ZGRF1: variants seen among roughly 807,000 people sequenced by gnomAD.
ZGRF1 encodes the protein 5'-3' DNA helicase ZGRF1.
In ZGRF1, 196 loss-of-function variants were observed where a neutral mutation model predicts 203.5. The observed-to-expected ratio is 0.96, with a 90% CI of 0.86 to 1.08. The LOEUF is 1.08. Among genes scored for constraint, ZGRF1 ranks in the 50% least tolerant of loss-of-function variants. The probability of loss-of-function intolerance (pLI) is 0.00; values close to 1 mark genes in which losing one functional copy is unlikely to be tolerated. For synonymous variants in ZGRF1, 809 were observed against 841.3 expected (o/e 0.96, Z 0.66); for missense variants, 2,326 against 2,416.3 (o/e 0.96, Z 0.78).
chr4:112,608,153 ATCC>A (rs1751043512), intron 8 of ZGRF1, among the ~76,000 whole-genome samples: 1 of 152,098 alleles, frequency 6.6e-6, no homozygotes, highest in Non-Finnish European at 1.5e-5. Flanking sequence ...AACTCAAACG[ATCC>A]TCCTGCCTCA....
At chr4:112,591,523 A>C (rs1454079296) in intron 10 of ZGRF1, among the ~76,000 whole-genome samples, 1 of 152,174 alleles carries the variant, frequency 6.6e-6, no homozygotes, top group Non-Finnish European at 1.5e-5. Context: ...GGCAGCTCTT[A>C]CAAAGTCCTA....
rs773566516 is a variant in ZGRF1 at position 112,540,913 on chromosome 4, A to G, written c.5818T>C (p.Phe1940Leu). The change falls in exon 26 of 28, where the codon TTT becomes CTT. Residue 1940 changes from phenylalanine (F) to leucine (L), a missense_variant. Coordinates refer to ENST00000505019, the MANE Select transcript of ZGRF1 (RefSeq NM_018392.5). ...NSFHNVAEAT[F>L]TLKLIQSLIA... ...AGTGATTGAATCAGCTTGAGTGTAA[A>G]CGTAGCTTCTGCCACATTATGAAAG... The G allele has an allele frequency of 1.4e-5, 22 of 1,580,272 alleles. No homozygotes were observed. In the South Asian group the frequency reaches 1.6e-4, roughly 12 times the overall value.
chr4:112,620,925 G>GA (rs2047041839), intron 4 of ZGRF1, among the ~76,000 whole-genome samples: 1 of 151,584 alleles, frequency 6.6e-6, no homozygotes, highest in Admixed American at 6.6e-5. Context: ...TCAGCTACTT[G>GA]AAAGGCTGAG....
chr4:112,573,202 C>A (rs1177003572), intron 16 of ZGRF1, among the ~76,000 whole-genome samples: 2 of 97,244 alleles, frequency 2.1e-5, no homozygotes, highest in African/African-American at 7.1e-5. Flanking sequence ...ACACACACAC[C>A]CATGGAATAC....
intron 3 of ZGRF1, among the ~76,000 whole-genome samples, chr4:112,626,235 G>T (rs538241365): frequency 6.6e-6 from 1 of 152,178 alleles, no homozygotes; most frequent in Non-Finnish European, 1.5e-5. Flanking sequence ...GAATCGAAAA[G>T]TGTGTGAAGT....
At chr4:112,586,386 C>A in intron 13 of ZGRF1, 59 bp downstream of exon 13, 1 of 1,330,762 alleles carries the variant, frequency 7.5e-7, no homozygotes, top group African/African-American at 1.5e-5. Flanking sequence ...TAAATTCTCA[C>A]AATTTTACTA....
In ZGRF1 at chr4:112,577,175, A is replaced by G. The variant is rs1265738259; in HGVS notation, c.4438+4488T>C. Among the ~76,000 whole-genome samples, 2 of 121,878 alleles carry G rather than the reference A, an allele frequency of 1.6e-5. 1 individual carries two copies. The highest frequency in any genetic ancestry group is 3.6e-5 in the Non-Finnish European group (2 of 54,848). 80.0% of individuals were successfully genotyped at this position (121,878 alleles called of 152,430 possible). A position where few individuals can be genotyped will look rare whatever the true frequency, so the allele number is the denominator to read the frequency against. On this transcript the variant is annotated intron_variant, in intron 16 of 27. Coordinates refer to ENST00000505019, the MANE Select transcript of ZGRF1 (RefSeq NM_018392.5). ...AACCCAGAATTTCATATCCAGTCAAACTAAGCTTCATAAGTGAAGGAGAAA... is the reference window on the plus strand; with the variant it reads ...AACCCAGAATTTCATATCCAGTCAAGCTAAGCTTCATAAGTGAAGGAGAAA...
intron 1 of ZGRF1, among the ~76,000 whole-genome samples, chr4:112,634,739 A>G (rs2047525959): frequency 6.6e-6 from 1 of 152,176 alleles, no homozygotes; most frequent in Non-Finnish European, 1.5e-5. Flanking sequence ...TGATCTGGAG[A>G]AAGAATAGGT....
rs755798043 is a variant in ZGRF1 at position 112,620,210 on chromosome 4, A to T, written c.163-20T>A. Reference sequence around the variant, plus strand: ...TTTCACCTGAAAGAATAAATGTCAAAATCACATACATCTAATTATTTGATT... The same window carrying T: ...TTTCACCTGAAAGAATAAATGTCAATATCACATACATCTAATTATTTGATT... On this transcript the variant is annotated intron_variant, in intron 4 of 27. Coordinates refer to ENST00000505019, the MANE Select transcript of ZGRF1 (RefSeq NM_018392.5). 20 of 1,576,858 alleles carry T rather than the reference A, an allele frequency of 1.3e-5. No individual in the cohort carries two copies. In the African/African-American group the frequency reaches 2.6e-4, roughly 20 times the overall value.
At chr4:112,573,474 G>A (rs191603763) in intron 16 of ZGRF1, among the ~76,000 whole-genome samples, 1 of 152,176 alleles carries the variant, frequency 6.6e-6, no homozygotes, top group East Asian at 1.9e-4. Flanking sequence ...CAGGTGATAG[G>A]TGTAGCAAAA....
At chr4:112,559,752 A>C in intron 19 of ZGRF1, among the ~76,000 whole-genome samples, 1 of 152,294 alleles carries the variant, frequency 6.6e-6, no homozygotes, top group Non-Finnish European at 1.5e-5. Context: ...AGATTAAGAG[A>C]TATATAACCT....
At chr4:112,591,022 T>C (rs1045492311) in intron 10 of ZGRF1, among the ~76,000 whole-genome samples, 2 of 152,100 alleles carry the variant, frequency 1.3e-5, no homozygotes, top group African/African-American at 4.8e-5. Context: ...TTCTGGGTGC[T>C]GTGCTAGGAA....
chr4:112,633,110 C>A (rs781186051), intron 2 of ZGRF1, 46 bp downstream of exon 2: 1 of 1,556,510 alleles, frequency 6.4e-7, no homozygotes, highest in Non-Finnish European at 8.8e-7. Flanking sequence ...AAGAAAGAGA[C>A]AGAGGAAGGG....
At chr4:112,583,934 C>G (rs1746704542) in intron 15 of ZGRF1, 44 bp downstream of exon 15, 2 of 1,248,550 alleles carry the variant, frequency 1.6e-6, no homozygotes, top group Non-Finnish European at 2.2e-6. Flanking sequence ...GGCTGTTGTT[C>G]TCTTATATAA....
At chr4:112,628,033 A>AAT (rs1013677531) in intron 3 of ZGRF1, among the ~76,000 whole-genome samples, 30 of 152,122 alleles carry the variant, frequency 2.0e-4, no homozygotes, top group South Asian at 1.0e-3. Context: ...CAGAACAAAA[A>AAT]ATATATATAT....
chr4:112,619,568 A>T lies in ZGRF1; in HGVS notation c.474T>A (p.Pro158=). 6.2e-7 allele frequency: 1 copy of T among 1,614,118 alleles called. No individual in the cohort carries two copies. Among genetic ancestry groups the T allele is most frequent in the Non-Finnish European group, 8.5e-7 (1 of 1,179,982 alleles). Residue 158 remains proline, a synonymous_variant, in exon 6 of 28, where the codon CCT becomes CCA. Coordinates refer to ENST00000505019, the MANE Select transcript of ZGRF1 (RefSeq NM_018392.5). ...PTIFSPFCSM[P]PLFPTVGKKD... is the part of the protein sequence containing the mutation. Reference sequence around the variant, plus strand: ...TCTTGCCAACAGTAGGAAACAAAGGAGGCATGCTGCAGAATGGAGAAAAAA... The same window carrying T: ...TCTTGCCAACAGTAGGAAACAAAGGTGGCATGCTGCAGAATGGAGAAAAAA...
At chr4:112,578,335 G>C (rs1449689502) in intron 16 of ZGRF1, among the ~76,000 whole-genome samples, 8 of 120,824 alleles carry the variant, frequency 6.6e-5, no homozygotes, top group African/African-American at 2.3e-4. Context: ...ATCTAAAATT[G>C]ACACCCTAAC....
chr4:112,554,777 A>C lies in ZGRF1; in HGVS notation c.5126T>G (p.Leu1709Arg), dbSNP rs1452586243. 6.6e-7 allele frequency: 1 copy of C among 1,514,822 alleles called. No homozygotes were observed. The highest frequency in any genetic ancestry group is 9.0e-7 in the Non-Finnish European group (1 of 1,114,880). 93.8% of individuals were successfully genotyped at this position (1,514,822 alleles called of 1,614,324 possible). Reference sequence around the variant, plus strand: ...GATAAAGTTTTCAAATCCAAGACTGAGAAGCCTTTAAATAAGAAAACAATA... The same window carrying C: ...GATAAAGTTTTCAAATCCAAGACTGCGAAGCCTTTAAATAAGAAAACAATA... ...VAVDRVLLGL[L>R]SLGFENFIRV... The change falls in exon 21 of 28, where the codon CTC becomes CGC. Residue 1709 changes from leucine to arginine, a missense_variant. Transcript: ENST00000505019.
intron 16 of ZGRF1, among the ~76,000 whole-genome samples, chr4:112,566,624 T>C (rs888317726): frequency 6.6e-6 from 1 of 152,198 alleles, no homozygotes; most frequent in Non-Finnish European, 1.5e-5. Context: ...AGGGGATTCC[T>C]GATTCTGGTG....
Sources: gnomAD v4.1 joint callset for allele counts (sites outside exome capture counted in the v4.1 genomes callset) on GRCh38, gnomAD v4.1.1 for gene constraint, MANE v1.5 for transcripts, NCBI Gene and HGNC (gene_info 2026-07-23, HGNC 2026-07-21) for gene names.